RASA3: variants seen among roughly 807,000 people sequenced by gnomAD.
RASA3 encodes RAS p21 protein activator 3.
Under a neutral mutation model 110.0 loss-of-function variants are expected in RASA3, and 73 were observed. The ratio of observed to expected loss-of-function variants is 0.66; its 90% confidence interval spans 0.55 to 0.81. The LOEUF is 0.81. Ranked by LOEUF, RASA3 falls within the 30% of genes least tolerant of loss-of-function variation. The pLI, the probability that RASA3 is intolerant of heterozygous loss-of-function variation, is 0.00. For synonymous variants in RASA3, 500 were observed against 451.4 expected, an observed-to-expected ratio of 1.11 and a Z score of -1.37; for missense variants, 976 against 1,113.2, an observed-to-expected ratio of 0.88 and a Z score of 1.75.
At chr13:114,061,330 C>T (rs527449787) in intron 2 of RASA3, among the ~76,000 whole-genome samples, 1 of 152,084 alleles carries the variant, frequency 6.6e-6, no homozygotes, top group Non-Finnish European at 1.5e-5. Flanking sequence ...GAACCGCAAA[C>T]TACGGTTGCC....
At chr13:114,123,396 A>T (rs1403424941) in intron 1 of RASA3, among the ~76,000 whole-genome samples, 1 of 152,266 alleles carries the variant, frequency 6.6e-6, no homozygotes, top group Non-Finnish European at 1.5e-5. Context: ...GAGAAGATTT[A>T]GGGGTGCACG....
intron 1 of RASA3, among the ~76,000 whole-genome samples, chr13:114,089,618 A>G (rs1046726683): frequency 1.3e-5 from 2 of 152,178 alleles, no homozygotes; most frequent in African/African-American, 2.4e-5. Context: ...AGCCCTGCAC[A>G]GACATCAGCC....
chr13:114,119,541 C>T (rs56262907), intron 1 of RASA3, among the ~76,000 whole-genome samples: 37 of 101,958 alleles, frequency 3.6e-4, no homozygotes, highest in East Asian at 8.4e-4. Flanking sequence ...TCCAGCCAGG[C>T]GTCGATCAGG....
intron 4 of RASA3, among the ~76,000 whole-genome samples, chr13:114,037,903 G>A (rs1362391641): frequency 6.6e-6 from 1 of 151,642 alleles, no homozygotes; most frequent in Non-Finnish European, 1.5e-5. Context: ...AGGGAGCACG[G>A]CCGTCCGTTC....
intron 1 of RASA3, chr13:114,077,674 A>T (rs796647819): frequency 3.2e-5 from 1 of 31,388 alleles, no homozygotes; most frequent in Non-Finnish European, 5.4e-5. Context: ...CTCCCTGCCC[A>T]ACGATGCCCA....
intron 2 of RASA3, 52 bp from the exon 3 acceptor site, chr13:114,052,207 C>T (rs764675133): frequency 1.6e-6 from 2 of 1,272,484 alleles, no homozygotes; most frequent in Non-Finnish European, 1.1e-6. Context: ...GCTTGCGCCT[C>T]ACCCCCGGGG....
chr13:114,036,405 G>C (rs1374803043), intron 4 of RASA3, among the ~76,000 whole-genome samples: 3 of 152,250 alleles, frequency 2.0e-5, no homozygotes, highest in African/African-American at 7.2e-5. Flanking sequence ...ACACAGGACT[G>C]TTCCTGGGAA....
intron 14 of RASA3, 96 bp downstream of exon 14, chr13:114,015,113 C>T: frequency 6.6e-7 from 1 of 1,513,848 alleles, no homozygotes; most frequent in Non-Finnish European, 9.0e-7. Context: ...CAGTTCTAGT[C>T]TAGCCAGGGC....
At chr13:114,028,625 G>T (rs2054082255) in intron 5 of RASA3, among the ~76,000 whole-genome samples, 2 of 148,288 alleles carry the variant, frequency 1.3e-5, no homozygotes, top group Non-Finnish European at 1.5e-5. Flanking sequence ...CATCCTGGGG[G>T]CCAGGACCTC....
chr13:113,999,040 T>C (rs9525264), intron 20 of RASA3, among the ~76,000 whole-genome samples: 23 of 38,364 alleles, frequency 6.0e-4, no homozygotes, highest in African/African-American at 3.4e-3. Context: ...AAGGAACAAG[T>C]GTGACTGGGG....
At chr13:114,023,491 G>A (rs1047478342) in intron 8 of RASA3, among the ~76,000 whole-genome samples, 3 of 152,226 alleles carry the variant, frequency 2.0e-5, no homozygotes, top group Admixed American at 6.5e-5. Context: ...GGAGGCATTC[G>A]TTGGTACAGA....
chr13:114,019,091 G>C (rs572676876), intron 9 of RASA3, among the ~76,000 whole-genome samples, 172 bp from the exon 10 acceptor site: 4 of 152,230 alleles, frequency 2.6e-5, no homozygotes, highest in African/African-American at 7.2e-5. Context: ...AGCAGGGCTG[G>C]TCACCGGGGA....
intron 1 of RASA3, among the ~76,000 whole-genome samples, chr13:114,102,635 A>G (rs1367216645): frequency 1.3e-5 from 2 of 152,198 alleles, no homozygotes; most frequent in African/African-American, 2.4e-5. Flanking sequence ...AGCAGGCCAC[A>G]TGGCCGGTGG....
intron 15 of RASA3, among the ~76,000 whole-genome samples, chr13:114,012,676 CTG>C (rs1288472585): frequency 2.2e-4 from 29 of 129,766 alleles, no homozygotes; most frequent in African/African-American, 8.3e-4. Flanking sequence ...TCCCCACACA[CTG>C]TCCACGCACT....
intron 1 of RASA3, among the ~76,000 whole-genome samples, chr13:114,075,346 C>T (rs2079651185): frequency 6.6e-6 from 1 of 152,198 alleles, no homozygotes; most frequent in Non-Finnish European, 1.5e-5. Flanking sequence ...CTCCAAAGGG[C>T]AGAGATAAAC....
At position 114,017,219 on chromosome 13, in the gene RASA3, T is replaced by A. The variant is rs749294218; in HGVS notation, c.1206+18A>T. 1.2e-6 allele frequency: 2 copies of A among 1,600,736 alleles called. No homozygotes were observed. The highest frequency in any genetic ancestry group is 2.2e-5 in the South Asian group (2 of 90,860). On this transcript the variant is annotated intron_variant, in intron 12 of 23. Coordinates refer to ENST00000334062, the MANE Select transcript of RASA3 (RefSeq NM_007368.4). ...CCCCACGCCTCGTGAGGCTGAGGAC[T>A]CTCGGCCCCGTGCTCACCTCCTCGA...
rs930093502 is a variant in RASA3 at position 114,065,680 on chromosome 13, T to C, written c.173+8040A>G. ...AGAATGGGGGTCCGCGGTCAGCTCA[T>C]AGCCCACCCGCCACCCAGCACTGCA... is the stretch of plus-strand genomic sequence containing the variant. On this transcript the variant is annotated intron_variant, in intron 2 of 23. Coordinates refer to ENST00000334062, the MANE Select transcript of RASA3 (RefSeq NM_007368.4). The surrounding 1 kb of genome is among the most constrained non-coding windows in gnomAD (Gnocchi z 4.1). Among the ~76,000 whole-genome samples the C allele has an allele frequency of 4.0e-5, 6 of 150,664 alleles. No homozygotes were observed. Among genetic ancestry groups the C allele is most frequent in the African/African-American group, 9.8e-5 (4 of 40,916 alleles).
At chr13:114,055,831 A>G (rs1486611166) in intron 2 of RASA3, among the ~76,000 whole-genome samples, 3 of 152,190 alleles carry the variant, frequency 2.0e-5, no homozygotes, top group African/African-American at 7.2e-5. Flanking sequence ...GCTGCGGTGC[A>G]TCTCACACAA....
intron 1 of RASA3, among the ~76,000 whole-genome samples, chr13:114,082,106 G>A (rs1277743546): frequency 6.6e-6 from 1 of 152,256 alleles, no homozygotes; most frequent in Non-Finnish European, 1.5e-5. Context: ...TCTGGGTGCA[G>A]CCAGGACTGA....
Sources: allele counts gnomAD v4.1 joint callset (sites outside exome capture counted in the v4.1 genomes callset), GRCh38; gene constraint gnomAD v4.1.1; non-coding constraint Gnocchi (gnomAD v3.1); transcripts MANE v1.5; gene names NCBI Gene and HGNC (gene_info 2026-07-23, HGNC 2026-07-21).